The following RTTN variants were observed in gnomAD, a reference collection of about 807,000 sequenced individuals.
RTTN encodes rotatin.
RTTN carries 182 observed loss-of-function variants against 269.2 expected under a neutral mutation model. The observed-to-expected ratio is 0.68, with a 90% CI of 0.60 to 0.76. RTTN has a LOEUF of 0.76. RTTN is among the 30% of genes least tolerant of loss of function. The pLI is 0.00. For missense variants in RTTN, 2,545 were observed against 2,608.6 expected (o/e 0.98, Z 0.53); for synonymous variants, 1,006 against 963.5 (o/e 1.04, Z -0.82).
intron 19 of RTTN, among the ~76,000 whole-genome samples, chr18:70,141,244 T>C (rs2060249971): frequency 6.6e-6 from 1 of 152,148 alleles, no homozygotes; most frequent in African/African-American, 2.4e-5. Flanking sequence ...GTGCTAACCA[T>C]AAAAATCTTT....
At position 70,017,418 on chromosome 18, in the gene RTTN, A is replaced by G. The variant is rs758125749; in HGVS notation, c.6410T>C (p.Ile2137Thr). Residue 2137 changes from isoleucine (I) to threonine (T), a missense_variant, in exon 46 of 49, where the codon ATC becomes ACC. Physicochemically the swap from Ile to Thr is moderately conservative, Grantham distance 89 (BLOSUM62 -1). Coordinates refer to ENST00000640769, the MANE Select transcript of RTTN (RefSeq NM_173630.4). The stretch of plus-strand genomic sequence containing the variant: ...GTGTGAAAACTTACCATTAGCCAGG[A>G]TCTTGGGTTTATTTGCAGGACTGAA... ...VCFSPANKPK[I>T]LANEKVITVL... is the part of the protein sequence containing the mutation. 18 of 1,613,712 alleles carry G rather than the reference A, an allele frequency of 1.1e-5. No individual in the cohort carries two copies. The highest frequency in any genetic ancestry group is 1.4e-5 in the Non-Finnish European group (16 of 1,179,854).
At chr18:70,072,627 G>T (rs933522375) in intron 34 of RTTN, among the ~76,000 whole-genome samples, 9 of 151,988 alleles carry the variant, frequency 5.9e-5, no homozygotes. Context: ...ATAACTCAAA[G>T]TTAATTAGAG....
intron 25 of RTTN, among the ~76,000 whole-genome samples, chr18:70,124,643 G>A (rs1463028731): frequency 6.6e-6 from 1 of 151,982 alleles, no homozygotes; most frequent in Non-Finnish European, 1.5e-5. Flanking sequence ...AGAGAGAGAG[G>A]AGGAAACTGT....
intron 35 of RTTN, among the ~76,000 whole-genome samples, chr18:70,065,427 T>G (rs2058106607): frequency 6.6e-6 from 1 of 152,140 alleles, no homozygotes; most frequent in Non-Finnish European, 1.5e-5. Flanking sequence ...TCAATACATT[T>G]TATGTGCCTT....
chr18:70,012,723 A>G (rs2056426413), intron 46 of RTTN, among the ~76,000 whole-genome samples: 2 of 152,024 alleles, frequency 1.3e-5, no homozygotes, highest in Admixed American at 6.6e-5. Flanking sequence ...GCTCACTGGT[A>G]CTGGTTAGAA....
chr18:70,099,495 C>T (rs545317159), intron 28 of RTTN, among the ~76,000 whole-genome samples: 3 of 151,946 alleles, frequency 2.0e-5, no homozygotes, highest in Non-Finnish European at 4.4e-5. Flanking sequence ...TTGTCAGATG[C>T]GTAGATTGCA....
chr18:70,049,233 A>G (rs2057585252), intron 39 of RTTN, among the ~76,000 whole-genome samples: 1 of 152,176 alleles, frequency 6.6e-6, no homozygotes, highest in South Asian at 2.1e-4. Context: ...CTATGTTCCA[A>G]TAAAACTTTA....
At chr18:70,179,612 T>G (rs1281893212) in intron 10 of RTTN, among the ~76,000 whole-genome samples, 2 of 152,164 alleles carry the variant, frequency 1.3e-5, no homozygotes, top group African/African-American at 2.4e-5. Flanking sequence ...AAAAGACCCG[T>G]CCTCACAGGA....
Position 70,114,488 on chromosome 18 carries a change from G to C in RTTN, c.3640C>G (p.Leu1214Val), listed in dbSNP as rs765565449. The change falls in exon 27 of 49, where the codon CTT becomes GTT. Residue 1214 changes from leucine to valine, a missense_variant. Physicochemically the swap from Leu to Val is conservative, Grantham distance 32 (BLOSUM62 1). Coordinates refer to ENST00000640769, the MANE Select transcript of RTTN (RefSeq NM_173630.4). ...AAATTGAGCAGCAAGGTATCAAAAAGAGCAATCAGTTCTTTCTGAAGTTGT... is the reference window on the plus strand; with the variant it reads ...AAATTGAGCAGCAAGGTATCAAAAACAGCAATCAGTTCTTTCTGAAGTTGT... ...RQQLQKELIA[L>V]FDTLLLNFME... 1.2e-6 allele frequency: 2 copies of C among 1,613,352 alleles called. No homozygotes were observed. Among genetic ancestry groups the C allele is most frequent in the Admixed American group, 1.7e-5 (1 of 59,990 alleles).
chr18:70,204,239 C>G lies in RTTN; in HGVS notation c.244G>C (p.Val82Leu). ...VKYPPAVQHL[V>L]DVGAVEFLSK... is the part of the protein sequence containing the mutation. The stretch of plus-strand genomic sequence containing the variant: ...AAGAACTCTACTGCACCAACGTCAA[C>G]CAAATGTTGGACTGCTGGGGGATAC... The change falls in exon 3 of 49, where the codon GTT becomes CTT. Residue 82 changes from valine (V) to leucine (L), a missense_variant. Physicochemically the swap from Val to Leu is conservative, Grantham distance 32. Transcript: ENST00000640769. The G allele has an allele frequency of 1.5e-5, 24 of 1,612,126 alleles. No homozygotes were observed. Among genetic ancestry groups the G allele is most frequent in the Non-Finnish European group, 1.9e-5 (23 of 1,179,494 alleles).
Position 70,139,689 on chromosome 18 carries a change from G to A in RTTN, c.2698C>T (p.Leu900Phe). ...CATAAAACCTTCCTCAAGAGTGTGA[G>A]GCATGGTTGTACCAAACATTCTACA... ...KVVECLVQPC[L>F]TLLRKVLCGD... The change falls in exon 21 of 49, where the codon CTC becomes TTC. Residue 900 changes from leucine (L) to phenylalanine (F), a missense_variant. Leu to Phe is a conservative substitution (Grantham distance 22). Transcript: ENST00000640769. 6.2e-7 allele frequency: 1 copy of A among 1,612,602 alleles called. No homozygotes were observed. The highest frequency in any genetic ancestry group is 2.2e-5 in the East Asian group (1 of 44,846).
chr18:70,048,948 A>T (rs1170400860), intron 39 of RTTN, among the ~76,000 whole-genome samples: 1 of 152,186 alleles, frequency 6.6e-6, no homozygotes, highest in Non-Finnish European at 1.5e-5. Context: ...TATTATGAAA[A>T]CCATTTATGC....
chr18:70,107,897 A>C (rs2059363583), intron 28 of RTTN, among the ~76,000 whole-genome samples: 2 of 152,234 alleles, frequency 1.3e-5, no homozygotes, highest in Admixed American at 1.3e-4. Flanking sequence ...AATTAGATAA[A>C]AAGTTTTTAA....
chr18:70,127,395 T>C, intron 25 of RTTN, 107 bp downstream of exon 25: 1 of 1,274,472 alleles, frequency 7.8e-7, no homozygotes, highest in Non-Finnish European at 1.1e-6. Flanking sequence ...TTTCTTTCTA[T>C]GATAGCAGCA....
chr18:70,004,196 A>T lies in RTTN; in HGVS notation c.6636T>A (p.Tyr2212Ter). 1.9e-6 allele frequency: 3 copies of T among 1,613,890 alleles called. No individual in the cohort carries two copies. The highest frequency in any genetic ancestry group is 2.5e-6 in the Non-Finnish European group (3 of 1,179,798). ...GCACGAGGTTTTCAAGACATTTCAA[A>T]TAATAGGCATTTAGAGGGTTTGCTT... ...NSEANPLNAY[Y>*]LKCLENLVQL... Residue 2212 changes from tyrosine (Y) to a stop codon, truncating the protein, a stop_gained, in exon 49 of 49, where the codon TAT becomes TAA. Transcript: ENST00000640769. LOFTEE classifies it high-confidence loss of function.
chr18:70,003,982 C>G lies in RTTN; in HGVS notation c.*169G>C, dbSNP rs1157812682. ...TATTACTTCTGGAGAGCTGCCACAA[C>G]TGGACGGTGTTGGAGTATCACCAGT... On this transcript the variant is annotated 3_prime_UTR_variant, in exon 49 of 49. Coordinates refer to ENST00000640769, the MANE Select transcript of RTTN (RefSeq NM_173630.4). The G allele has an allele frequency of 1.3e-5, 6 of 469,804 alleles. No individual in the cohort carries two copies. The highest frequency in any genetic ancestry group is 2.3e-5 in the Non-Finnish European group (6 of 265,484). The allele number at this position is 469,804 out of a possible 1,614,324, so 29.1% of individuals were successfully genotyped here.
chr18:70,179,948 C>G (rs1010175543), intron 10 of RTTN, among the ~76,000 whole-genome samples: 2 of 152,040 alleles, frequency 1.3e-5, no homozygotes, highest in African/African-American at 2.4e-5. Context: ...CCAAAAGACC[C>G]CTACCAGCAG....
chr18:70,073,799 T>C (rs541355034), intron 34 of RTTN, 107 bp downstream of exon 34: 549 of 742,738 alleles, frequency 7.4e-4, no homozygotes, highest in Non-Finnish European at 1.1e-3. Flanking sequence ...TTCGAATAAA[T>C]CATAGCTGTT....
At chr18:70,095,393 T>C (rs2145278167) in intron 28 of RTTN, among the ~76,000 whole-genome samples, 1 of 152,318 alleles carries the variant, frequency 6.6e-6, no homozygotes, top group Non-Finnish European at 1.5e-5. Flanking sequence ...CTTCATAGCA[T>C]CAATGGTCTT....
Sources: gnomAD v4.1 joint callset for allele counts (sites outside exome capture counted in the v4.1 genomes callset) on GRCh38, gnomAD v4.1.1 for gene constraint, MANE v1.5 for transcripts, NCBI Gene and HGNC (gene_info 2026-07-23, HGNC 2026-07-21) for gene names.